The following GAN variants were observed in gnomAD, a reference collection of about 807,000 sequenced individuals.
GAN encodes epididymis secretory sperm binding protein.
Under a neutral mutation model 71.3 loss-of-function variants are expected in GAN, and 48 were observed. The ratio of observed to expected loss-of-function variants is 0.67; its 90% CI spans 0.53 to 0.86. The LOEUF (loss-of-function observed/expected upper bound fraction) is 0.86. GAN is among the 40% of genes least tolerant of loss of function. The pLI, the probability that GAN is intolerant of heterozygous loss-of-function variation, is 0.00. For missense variants in GAN, 928 were observed against 770.1 expected, an observed-to-expected ratio of 1.21 and a Z score of -2.43; for synonymous variants, 386 against 276.8, an observed-to-expected ratio of 1.39 and a Z score of -3.92.
intron 7 of GAN, among the ~76,000 whole-genome samples, chr16:81,364,625 G>A (rs1910788225): frequency 6.6e-6 from 1 of 152,120 alleles, no homozygotes; most frequent in African/African-American, 2.4e-5. Flanking sequence ...GGAGTTTGAA[G>A]CTGCAGTGAA....
chr16:81,315,230 G>T lies in GAN; in HGVS notation c.117G>T (p.Glu39Asp). 1 of 1,583,418 alleles carries T rather than the reference G, an allele frequency of 6.3e-7. No homozygotes were observed. The highest frequency in any genetic ancestry group is 8.6e-7 in the Non-Finnish European group (1 of 1,166,934). Residue 39 changes from glutamate to aspartate, a missense_variant, in exon 1 of 11, where the codon GAG becomes GAT. Coordinates refer to ENST00000648994, the MANE Select transcript of GAN (RefSeq NM_022041.4). ...ACGCGCACCTGGTCCTCGACGGGGA[G>T]GAGATCCCGGTGCAGAAGAACATCC... Reference protein sequence around the residue: ...FCDAHLVLDGEEIPVQKNILA... With the variant: ...FCDAHLVLDGDEIPVQKNILA...
Position 81,383,093 on chromosome 16 carries a change from C to G in GAN, c.*5497C>G, listed in dbSNP as rs542140250. The G allele has an allele frequency of 2.4e-4, 36 of 152,110 alleles. No homozygotes were observed. The highest frequency in any genetic ancestry group is 8.4e-4 in the African/African-American group (35 of 41,528). 9.4% of individuals were successfully genotyped at this position (152,110 alleles called of 1,614,324 possible). A position where few individuals can be genotyped will look rare whatever the true frequency, so the allele number is the denominator to read the frequency against. ...GACTACAGGCATGAGCCACCACGCTCCGTAGAAAGTTTGTTCTTTTTCAGT... is the reference window on the plus strand; with the variant it reads ...GACTACAGGCATGAGCCACCACGCTGCGTAGAAAGTTTGTTCTTTTTCAGT... On this transcript the variant is annotated 3_prime_UTR_variant, in exon 11 of 11. Coordinates refer to ENST00000648994, the MANE Select transcript of GAN (RefSeq NM_022041.4).
In GAN at chr16:81,377,776, C is replaced by G. The variant is rs1904287049; in HGVS notation, c.*180C>G. 6.2e-6 allele frequency: 4 copies of G among 647,996 alleles called. No individual in the cohort carries two copies. The highest frequency in any genetic ancestry group is 5.1e-5 in the Admixed American group (2 of 39,288). The allele number at this position is 647,996 out of a possible 1,614,324, so 40.1% of individuals were successfully genotyped here. Reference sequence around the variant, plus strand: ...AGCTCTTGTTTGGGAGAACACGTAACTGTTGAAAAACTACCTGGGAGGAGT... The same window carrying G: ...AGCTCTTGTTTGGGAGAACACGTAAGTGTTGAAAAACTACCTGGGAGGAGT... On this transcript the variant is annotated 3_prime_UTR_variant, in exon 11 of 11. Transcript: ENST00000648994.
chr16:81,342,298 A>T (rs569324263), intron 1 of GAN, among the ~76,000 whole-genome samples: 1 of 152,366 alleles, frequency 6.6e-6, no homozygotes, highest in South Asian at 2.1e-4. Context: ...AGACATCTAC[A>T]GAACTCTCCA....
chr16:81,337,265 A>G (rs1261498261), intron 1 of GAN, among the ~76,000 whole-genome samples: 3 of 152,160 alleles, frequency 2.0e-5, no homozygotes, highest in South Asian at 4.1e-4. Flanking sequence ...TAGCTACACA[A>G]TCCAAGGTGA....
rs1332403863 is a variant in GAN, at chr16:81,386,458, T to C, written c.*8862T>C. ...GCATGTGTCTGTGTGTGTGGAACTT[T>C]TGTACCTTTGCATAAAGAAGGTTAT... On this transcript the variant is annotated 3_prime_UTR_variant, in exon 11 of 11. Transcript: ENST00000648994. The C allele has an allele frequency of 6.6e-6, 1 of 152,380 alleles. No individual in the cohort carries two copies. The highest frequency in any genetic ancestry group is 1.9e-4 in the East Asian group (1 of 5,192). 9.4% of individuals were successfully genotyped at this position (152,380 alleles called of 1,614,324 possible). A position where few individuals can be genotyped will look rare whatever the true frequency, so the allele number is the denominator to read the frequency against.
intron 2 of GAN, among the ~76,000 whole-genome samples, chr16:81,353,301 A>AAC (rs1910366545): frequency 1.3e-5 from 2 of 151,872 alleles, no homozygotes; most frequent in Admixed American, 6.6e-5. Flanking sequence ...CAAAAAAAAA[A>AAC]AAAAACGATA....
intron 4 of GAN, 86 bp from the exon 5 acceptor site, chr16:81,357,724 T>G (rs992106944): frequency 7.2e-4 from 895 of 1,241,270 alleles, no homozygotes; most frequent in Non-Finnish European, 8.3e-4. Flanking sequence ...TTAAATATTC[T>G]TTAGTAAACT....
chr16:81,362,169 A>G (rs758139237), intron 5 of GAN, among the ~76,000 whole-genome samples: 1 of 152,152 alleles, frequency 6.6e-6, no homozygotes, highest in Non-Finnish European at 1.5e-5. Context: ...CAAAAGTTGT[A>G]TGAGAATCCC....
intron 1 of GAN, among the ~76,000 whole-genome samples, chr16:81,324,229 G>A (rs540990727): frequency 4.6e-5 from 7 of 152,286 alleles, no homozygotes; most frequent in South Asian, 2.1e-4. Context: ...TAATATGCCC[G>A]TTTGTTCATT....
At chr16:81,321,608 G>A (rs118014639) in intron 1 of GAN, among the ~76,000 whole-genome samples, 2,516 of 152,274 alleles carry the variant, frequency 0.017, 27 homozygotes, top group Non-Finnish European at 0.025. Context: ...TGATATCAAA[G>A]TGGGACTTAA....
intron 1 of GAN, among the ~76,000 whole-genome samples, chr16:81,346,628 C>T (rs1346200242): frequency 2.0e-5 from 3 of 152,232 alleles, no homozygotes; most frequent in Non-Finnish European, 4.4e-5. Flanking sequence ...CCACAACTCC[C>T]TTCTGTGGAA....
intron 5 of GAN, among the ~76,000 whole-genome samples, chr16:81,360,748 T>C (rs940029535): frequency 3.3e-5 from 5 of 152,202 alleles, no homozygotes; most frequent in Non-Finnish European, 5.9e-5. Flanking sequence ...TCTTTGTTTT[T>C]TAAATAAATT....
chr16:81,348,946 C>T (rs1298728293), intron 1 of GAN, among the ~76,000 whole-genome samples: 1 of 152,152 alleles, frequency 6.6e-6, no homozygotes, highest in African/African-American at 2.4e-5. Flanking sequence ...AGTATGTAAA[C>T]ATTCTGTTAA....
intron 1 of GAN, among the ~76,000 whole-genome samples, chr16:81,316,266 G>C (rs1479659351): frequency 1.3e-5 from 2 of 152,162 alleles, no homozygotes; most frequent in African/African-American, 4.8e-5. Context: ...GCTAGTGGTA[G>C]AGAATATCAC....
rs144825514 is a variant in GAN at position 81,317,722 on chromosome 16, A to C, written c.167+2442A>C. On this transcript the variant is annotated intron_variant, in intron 1 of 10. Transcript: ENST00000648994. ...TACTCTTGCCCTACCACGTTAGAGC[A>C]TTACTTGTATTTCACCGTTCTCTTT... Among the ~76,000 whole-genome samples the C allele has an allele frequency of 6.8e-3, 1,042 of 152,382 alleles. 9 individuals carry two copies. The highest frequency in any genetic ancestry group is 0.031 in the Middle Eastern group (9 of 294).
intron 1 of GAN, among the ~76,000 whole-genome samples, chr16:81,339,761 C>T (rs1168478479): frequency 6.6e-6 from 1 of 152,104 alleles, no homozygotes; most frequent in African/African-American, 2.4e-5. Context: ...ATCTGTAGAA[C>T]AGCTGGCATT....
chr16:81,355,375 G>A (rs374916379), intron 3 of GAN, among the ~76,000 whole-genome samples: 1 of 152,162 alleles, frequency 6.6e-6, no homozygotes, highest in African/African-American at 2.4e-5. Flanking sequence ...TTTTGAGGGG[G>A]CAGAGAGTCT....
chr16:81,349,781 A>T (rs1910238770), intron 1 of GAN, among the ~76,000 whole-genome samples: 1 of 152,166 alleles, frequency 6.6e-6, no homozygotes, highest in African/African-American at 2.4e-5. Flanking sequence ...TGTTTCTAAG[A>T]AGTTCTCCCT....
Sources: gnomAD v4.1 joint callset for allele counts (sites outside exome capture counted in the v4.1 genomes callset) on GRCh38, gnomAD v4.1.1 for gene constraint, MANE v1.5 for transcripts, NCBI Gene and HGNC (gene_info 2026-07-23, HGNC 2026-07-21) for gene names.